Variants in KRT34 observed in about 807,000 individuals in gnomAD.
KRT34 encodes the protein keratin 34, also known as keratin, type I cuticular Ha4.
A neutral mutation model predicts 41.7 loss-of-function variants in KRT34; 31 were observed. The ratio of observed to expected loss-of-function variants is 0.74; its 90% CI spans 0.56 to 1.00. KRT34 has a LOEUF of 1.00. Among genes scored for constraint, KRT34 ranks in the 50% least tolerant of loss-of-function variants. KRT34 has a pLI of 0.00. For synonymous variants in KRT34, 224 were observed against 212.9 expected, an observed-to-expected ratio of 1.05 and a Z score of -0.45; for missense variants, 523 against 500.3, an observed-to-expected ratio of 1.05 and a Z score of -0.43.
intron 3 of KRT34, 39 bp from the exon 4 acceptor site, chr17:41,379,770 G>T: frequency 6.4e-7 from 1 of 1,551,940 alleles, no homozygotes; most frequent in East Asian, 2.2e-5. Flanking sequence ...TACGGCAATG[G>T]ATCTGCCATT....
At chr17:41,381,296 A>G in intron 2 of KRT34, 84 bp from the exon 3 acceptor site, 2 of 1,411,444 alleles carry the variant, frequency 1.4e-6, no homozygotes, top group Middle Eastern at 1.8e-4. Flanking sequence ...ATTGGCCTGA[A>G]TCTTCTTGAA....
At chr17:41,382,683 A>C (rs2018020453), upstream of KRT34, among the ~76,000 whole-genome samples, 1 of 152,186 alleles carries the variant, frequency 6.6e-6, no homozygotes, top group Non-Finnish European at 1.5e-5. Context: ...CCCCAGAGAG[A>C]GAGCTCTGAG....
In KRT34 at chr17:41,381,917, A is replaced by C. The variant is rs1475367800; in HGVS notation, c.330T>G (p.Ile110Met). 1 of 1,614,052 alleles carries C rather than the reference A, an allele frequency of 6.2e-7. No individual in the cohort carries two copies. Among genetic ancestry groups the C allele is most frequent in the Non-Finnish European group, 8.5e-7 (1 of 1,179,992 alleles). ...CCCTCACCTTCTGCTGGAGCTCCTC[A>C]ATGGTCTTGAAGTAGGACTGGTAGC... ...CPSYQSYFKT[I>M]EELQQKILCA... Residue 110 changes from isoleucine (I) to methionine (M), a missense_variant, in exon 1 of 7, where the codon ATT becomes ATG. By Grantham distance (10) the Ile-to-Met change is conservative (BLOSUM62 1). Transcript: ENST00000394001.
Position 41,381,168 on chromosome 17 carries a change from A to T in KRT34, c.476T>A (p.Ile159Asn). Residue 159 changes from isoleucine to asparagine, a missense_variant, in exon 3 of 7, where the codon ATC (isoleucine) becomes AAC (asparagine). Ile to Asn is a moderately radical substitution (Grantham distance 149). Transcript: ENST00000394001. ...QSLRLLVESD[I>N]NSIRRILDEL... ...ATCCAGGATCCTGCGTATGCTGTTG[A>T]TGTCCGACTCCACCAACAGCCTCAG... The T allele has an allele frequency of 3.7e-6, 6 of 1,614,046 alleles. No individual in the cohort carries two copies. In the South Asian group the frequency reaches 5.5e-5, roughly 15 times the overall value.
chr17:41,378,011 G>T lies in KRT34; in HGVS notation c.*48C>A. ...TCAGGACTTGAGGATCCTTCCTGTG[G>T]TTGATCTAAATGGCTTTGTAGATGT... On this transcript the variant is annotated 3_prime_UTR_variant, in exon 7 of 7. Coordinates refer to ENST00000394001, the MANE Select transcript of KRT34 (RefSeq NM_001386014.1). 1 of 1,399,904 alleles carries T rather than the reference G, an allele frequency of 7.1e-7. No individual in the cohort carries two copies. The highest frequency in any genetic ancestry group is 1.0e-6 in the Non-Finnish European group (1 of 987,210). 86.7% of individuals were successfully genotyped at this position (1,399,904 alleles called of 1,614,324 possible). A position where few individuals can be genotyped will look rare whatever the true frequency, so the allele number is the denominator to read the frequency against.
At chr17:41,383,004 T>G (rs924207146), upstream of KRT34, among the ~76,000 whole-genome samples, 1 of 151,530 alleles carries the variant, frequency 6.6e-6, no homozygotes, top group Non-Finnish European at 1.5e-5. Context: ...GTAAATAAAG[T>G]TTTTGTTTGT....
In KRT34 at chr17:41,379,720, G is replaced by A. The variant is rs1187484386; in HGVS notation, c.600C>T (p.Thr200=). Residue 200 remains threonine, a synonymous_variant, in exon 4 of 7, where the codon ACC becomes ACT. Coordinates refer to ENST00000394001, the MANE Select transcript of KRT34 (RefSeq NM_001386014.1). ...GGCGGTCTCCAAGCTGGGAGCGCAGGGTGTTAACCTCCTGTTGGAGAAAAG... is the reference window on the plus strand; with the variant it reads ...GGCGGTCTCCAAGCTGGGAGCGCAGAGTGTTAACCTCCTGTTGGAGAAAAG... The part of the protein sequence containing the change: ...LKKNHEEEVN[T]LRSQLGDRLN... 6.2e-7 allele frequency: 1 copy of A among 1,602,300 alleles called. No individual in the cohort carries two copies. The highest frequency in any genetic ancestry group is 1.8e-5 in the Admixed American group (1 of 57,118).
intron 3 of KRT34, 74 bp downstream of exon 3, chr17:41,380,982 G>A (rs2017968653): frequency 1.4e-6 from 2 of 1,432,648 alleles, no homozygotes; most frequent in Admixed American, 1.7e-5. Context: ...CAGGGATCCA[G>A]ACAGTAATCC....
chr17:41,381,009 G>T (rs765024929), intron 3 of KRT34, 47 bp downstream of exon 3: 48 of 1,571,718 alleles, frequency 3.1e-5, no homozygotes, highest in Non-Finnish European at 2.5e-5. Flanking sequence ...GATTCCCAGT[G>T]CTAGTAGCTT....
Position 41,377,981 on chromosome 17 carries a change from A to C in KRT34, c.*78T>G. The C allele has an allele frequency of 1.9e-6, 2 of 1,053,244 alleles. No individual in the cohort carries two copies. Among genetic ancestry groups the C allele is most frequent in the Non-Finnish European group, 2.9e-6 (2 of 681,916 alleles). 65.2% of individuals were successfully genotyped at this position (1,053,244 alleles called of 1,614,324 possible). ...TTTCTTGATGTCAGCTGAGCTCCAG[A>C]AAAGTCAGGACTTGAGGATCCTTCC... On this transcript the variant is annotated 3_prime_UTR_variant, in exon 7 of 7. Coordinates refer to ENST00000394001, the MANE Select transcript of KRT34 (RefSeq NM_001386014.1).
intron 6 of KRT34, among the ~76,000 whole-genome samples, chr17:41,378,755 C>T (rs556778268): frequency 6.6e-6 from 1 of 152,330 alleles, no homozygotes; most frequent in Non-Finnish European, 1.5e-5. Context: ...CTCCTGCCAC[C>T]ACTCCTCCAT....
chr17:41,382,417 C>G (rs1019440542), upstream of KRT34: 1 of 1,492,172 alleles, frequency 6.7e-7, no homozygotes, highest in African/African-American at 1.4e-5. Context: ...CCAAAATATG[C>G]TAGTTAGATG....
At chr17:41,382,870 T>C (rs2018023641), upstream of KRT34, among the ~76,000 whole-genome samples, 2 of 152,142 alleles carry the variant, frequency 1.3e-5, no homozygotes, top group Non-Finnish European at 2.9e-5. Flanking sequence ...CTGAAAACAA[T>C]GGCATGTTCA....
chr17:41,383,699 C>A (rs1392468568), upstream of KRT34, among the ~76,000 whole-genome samples: 1 of 152,108 alleles, frequency 6.6e-6, no homozygotes, highest in Non-Finnish European at 1.5e-5. Context: ...CATCTTATTT[C>A]TAGACTTGTT....
chr17:41,381,363 G>T, intron 2 of KRT34, 151 bp from the exon 3 acceptor site: 2 of 817,252 alleles, frequency 2.4e-6, no homozygotes, highest in Non-Finnish European at 3.8e-6. Flanking sequence ...TCCATGGATA[G>T]GCTGAAGAGG....
chr17:41,379,544 G>T, intron 4 of KRT34, 26 bp downstream of exon 4: 1 of 1,613,862 alleles, frequency 6.2e-7, no homozygotes, highest in African/African-American at 1.3e-5. Context: ...CTCGGGTCCT[G>T]AGTGGCCATG....
Position 41,379,115 on chromosome 17 carries a change from T to C in KRT34, c.938A>G (p.Gln313Arg). ...CACGTTGGTGATCAGGCTCTGCACCTGGGACAGCTGGGAGCTGTAGTGGGC... is the reference window on the plus strand; with the variant it reads ...CACGTTGGTGATCAGGCTCTGCACCCGGGACAGCTGGGAGCTGTAGTGGGC... ...SEAHYSSQLS[Q>R]VQSLITNVES... The change falls in exon 6 of 7, where the codon CAG (glutamine) becomes CGG (arginine). Residue 313 changes from glutamine (Q) to arginine (R), a missense_variant. Physicochemically the swap from Gln to Arg is conservative, Grantham distance 43. Transcript: ENST00000394001. 1 of 1,614,218 alleles carries C rather than the reference T, an allele frequency of 6.2e-7. No homozygotes were observed. The highest frequency in any genetic ancestry group is 8.5e-7 in the Non-Finnish European group (1 of 1,180,040).
At chr17:41,380,117 G>C (rs2017949111) in intron 3 of KRT34, among the ~76,000 whole-genome samples, 1 of 152,238 alleles carries the variant, frequency 6.6e-6, no homozygotes, top group African/African-American at 2.4e-5. Flanking sequence ...AAATTAGCTG[G>C]GCGTGGTGGC....
Position 41,378,123 on chromosome 17 carries a change from G to A in KRT34, c.1121C>T (p.Thr374Ile). The A allele has an allele frequency of 3.1e-6, 5 of 1,614,002 alleles. No individual in the cohort carries two copies. Among genetic ancestry groups the A allele is most frequent in the Non-Finnish European group, 4.2e-6 (5 of 1,179,928 alleles). ...ACAGGAGTTGCCACTAGCATTGGTG[G>A]TGGCGCATGGGTTGCAGGGGAGCCT... ...DCKLPCNPCATTNASGNSCGP... is the reference protein window; with the variant it reads ...DCKLPCNPCAITNASGNSCGP... The change falls in exon 7 of 7, where the codon ACC (threonine) becomes ATC (isoleucine). Residue 374 changes from threonine to isoleucine, a missense_variant. Thr to Ile is a moderately conservative substitution (Grantham distance 89, BLOSUM62 -1). Transcript: ENST00000394001.
Sources: allele counts gnomAD v4.1 joint callset (sites outside exome capture counted in the v4.1 genomes callset), GRCh38; gene constraint gnomAD v4.1.1; transcripts MANE v1.5; gene names NCBI Gene and HGNC (gene_info 2026-07-23, HGNC 2026-07-21).